Variants in SLC7A9 observed in about 807,000 individuals in gnomAD.
SLC7A9 encodes B(0,+)-type amino acid transporter 1.
A neutral mutation model predicts 54.1 loss-of-function variants in SLC7A9; 38 were observed. The ratio of observed to expected loss-of-function variants is 0.70; its 90% confidence interval spans 0.54 to 0.92. The LOEUF (loss-of-function observed/expected upper bound fraction) is 0.92. Among genes scored for constraint, SLC7A9 ranks in the 40% least tolerant of loss-of-function variants. The pLI, the probability that SLC7A9 is intolerant of heterozygous loss-of-function variation, is 0.00. For synonymous variants in SLC7A9, 264 were observed against 258.9 expected (o/e 1.02, Z -0.19); for missense variants, 537 against 636.1 (o/e 0.84, Z 1.68).
intron 9 of SLC7A9, among the ~76,000 whole-genome samples, chr19:32,850,439 G>C (rs1358662077): frequency 6.6e-6 from 1 of 151,548 alleles, no homozygotes; most frequent in Non-Finnish European, 1.5e-5. Flanking sequence ...TTGCTTCAAA[G>C]AGAATAAAAT....
Position 32,838,626 on chromosome 19 carries a change from T to C in SLC7A9, c.1224+3542A>G, listed in dbSNP as rs1968034857. On this transcript the variant is annotated intron_variant, in intron 11 of 12. Transcript: ENST00000023064. ...TACATATACCTATAATATATACTTA[T>C]ATACAACATATTTATATCTTATATC... 2.0e-5 allele frequency among the ~76,000 whole-genome samples: 3 copies of C among 148,226 alleles called. No individual in the cohort carries two copies. In the Admixed American group the frequency reaches 2.0e-4, roughly 10 times the overall value.
rs1429808028 is a variant in SLC7A9 at position 32,843,908 on chromosome 19, G to T, written c.1021C>A (p.Leu341Ile). The T allele has an allele frequency of 6.2e-7, 1 of 1,613,936 alleles. No individual in the cohort carries two copies. Among genetic ancestry groups the T allele is most frequent in the South Asian group, 1.1e-5 (1 of 91,066 alleles). The change falls in exon 10 of 13, where the codon CTT becomes ATT. Residue 341 changes from leucine (L) to isoleucine (I), a missense_variant. Coordinates refer to ENST00000023064, the MANE Select transcript of SLC7A9 (RefSeq NM_014270.5). ...AGGCGCCTGACGCTGATGTAAGAAA[G>T]CACTTTGAGCATGTGACCCTCCCGG... ...AGREGHMLKVLSYISVRRLTP... is the reference protein window; with the variant it reads ...AGREGHMLKVISYISVRRLTP...
intron 9 of SLC7A9, among the ~76,000 whole-genome samples, chr19:32,848,864 C>T (rs1164589993): frequency 6.6e-6 from 1 of 152,142 alleles, no homozygotes; most frequent in Non-Finnish European, 1.5e-5. Flanking sequence ...CAAACTAGAA[C>T]TCAGGATTAA....
chr19:32,835,983 C>T lies in SLC7A9; in HGVS notation c.1225-2660G>A, dbSNP rs191383835. Among the ~76,000 whole-genome samples, 1,004 of 151,926 alleles carry T rather than the reference C, an allele frequency of 6.6e-3. 2 individuals are homozygous for T. The highest frequency in any genetic ancestry group is 0.011 in the Non-Finnish European group (757 of 67,942). ...AGGCTGGAGTGCAGTGGCACAATCT[C>T]GGCTCACTGCAACCTCTGCCTCCCA... is the stretch of plus-strand genomic sequence containing the variant. On this transcript the variant is annotated intron_variant, in intron 11 of 12. Transcript: ENST00000023064.
rs935925882 is a variant in SLC7A9, at chr19:32,868,568, A to C, written c.-34T>G. ...CTGCTGGTTCCAGGAGACTGCAAGG[A>C]GGGCGCACAGCTAAATCTTGGTTCA... is the stretch of plus-strand genomic sequence containing the variant. On this transcript the variant is annotated 5_prime_UTR_variant, in exon 2 of 13. Transcript: ENST00000023064. The C allele has an allele frequency of 6.4e-7, 1 of 1,565,804 alleles. No homozygotes were observed. Among genetic ancestry groups the C allele is most frequent in the Non-Finnish European group, 8.8e-7 (1 of 1,136,062 alleles).
chr19:32,835,214 A>AT (rs1369165980), intron 11 of SLC7A9, among the ~76,000 whole-genome samples: 13 of 152,050 alleles, frequency 8.5e-5, no homozygotes, highest in Admixed American at 7.9e-4. Flanking sequence ...TTTATTTTAG[A>AT]TTTTTTATAT....
intron 2 of SLC7A9, among the ~76,000 whole-genome samples, chr19:32,865,910 C>T (rs951657183): frequency 4.8e-5 from 7 of 145,982 alleles, no homozygotes; most frequent in Admixed American, 1.4e-4. Flanking sequence ...GCAGAGGTTG[C>T]AGTGAGCCAC....
intron 7 of SLC7A9, chr19:32,860,306 C>A: frequency 7.2e-7 from 1 of 1,393,706 alleles, no homozygotes; most frequent in Non-Finnish European, 9.3e-7. Flanking sequence ...CCTGTAATCC[C>A]AGCACTTTGG....
intron 4 of SLC7A9, 31 bp from the exon 5 acceptor site, chr19:32,862,617 T>C (rs751325468): frequency 2.5e-6 from 4 of 1,612,490 alleles, no homozygotes; most frequent in East Asian, 2.2e-5. Context: ...TCTGCATTTA[T>C]GGTTTTCAGC....
intron 12 of SLC7A9, among the ~76,000 whole-genome samples, chr19:32,832,004 A>G (rs1365040962): frequency 6.6e-6 from 1 of 152,228 alleles, no homozygotes; most frequent in Admixed American, 6.5e-5. Flanking sequence ...GGCTGGGCGC[A>G]GTGGCTCATG....
At chr19:32,858,158 C>T (rs963006589) in intron 9 of SLC7A9, among the ~76,000 whole-genome samples, 4 of 152,192 alleles carry the variant, frequency 2.6e-5, no homozygotes, top group African/African-American at 9.6e-5. Flanking sequence ...TCAGCATGGG[C>T]AGCTTCCCCC....
intron 11 of SLC7A9, among the ~76,000 whole-genome samples, chr19:32,834,254 A>C (rs1354224345): frequency 1.3e-5 from 2 of 152,278 alleles, no homozygotes; most frequent in Non-Finnish European, 2.9e-5. Context: ...GTTTTCATTT[A>C]TCTCTCCAGA....
At chr19:32,860,947 T>G (rs1479295149) in intron 6 of SLC7A9, among the ~76,000 whole-genome samples, 1 of 152,198 alleles carries the variant, frequency 6.6e-6, no homozygotes, top group African/African-American at 2.4e-5. Context: ...AAAAATGGAA[T>G]ATTCTTTGTC....
intron 2 of SLC7A9, among the ~76,000 whole-genome samples, chr19:32,866,783 C>T (rs1414652876): frequency 1.3e-5 from 2 of 152,280 alleles, no homozygotes; most frequent in East Asian, 3.9e-4. Flanking sequence ...CGGTCAAGCC[C>T]TAAAGCCTTG....
At chr19:32,860,099 A>G (rs1249186706) in intron 7 of SLC7A9, 135 bp from the exon 8 acceptor site, 1 of 1,563,520 alleles carries the variant, frequency 6.4e-7, no homozygotes, top group South Asian at 1.2e-5. Context: ...GACATTTTCA[A>G]ATGAGAATGC....
chr19:32,847,231 C>A (rs1023356192), intron 9 of SLC7A9, among the ~76,000 whole-genome samples: 16 of 152,060 alleles, frequency 1.1e-4, no homozygotes, highest in Non-Finnish European at 1.9e-4. Flanking sequence ...GACGGTCCAA[C>A]TACTCCGAGC....
At position 32,862,159 on chromosome 19, in the gene SLC7A9, G is replaced by A; in HGVS notation, c.663C>T (p.Ile221=). ...AGAGTCCATTGTAAAACGCCAGGCT[G>A]ATGGCTCCCACAGACAGCTGGGCGC... ...FEGAQLSVGA[I]SLAFYNGLWA... Residue 221 remains isoleucine, a synonymous_variant, in exon 6 of 13, where the codon ATC becomes ATT. Coordinates refer to ENST00000023064, the MANE Select transcript of SLC7A9 (RefSeq NM_014270.5). 6.2e-7 allele frequency: 1 copy of A among 1,613,770 alleles called. No homozygotes were observed. The highest frequency in any genetic ancestry group is 1.1e-5 in the South Asian group (1 of 91,068).
chr19:32,867,966 G>A (rs1171540963), intron 2 of SLC7A9, among the ~76,000 whole-genome samples: 1 of 140,290 alleles, frequency 7.1e-6, no homozygotes, highest in African/African-American at 2.6e-5. Context: ...ATATGCAGCC[G>A]AGTGCAGTGG....
intron 9 of SLC7A9, among the ~76,000 whole-genome samples, chr19:32,857,634 A>C (rs886177205): frequency 6.6e-6 from 1 of 152,170 alleles, no homozygotes; most frequent in Non-Finnish European, 1.5e-5. Flanking sequence ...TCACTCTGAA[A>C]TATATCCATT....
Sources: allele counts gnomAD v4.1 joint callset (sites outside exome capture counted in the v4.1 genomes callset), GRCh38; gene constraint gnomAD v4.1.1; transcripts MANE v1.5; gene names NCBI Gene and HGNC (gene_info 2026-07-23, HGNC 2026-07-21).